The following PCNX2 variants were observed in gnomAD, a reference collection of about 807,000 sequenced individuals.
The protein encoded by PCNX2 is pecanex 2.
In PCNX2, 168 loss-of-function variants were observed where a neutral mutation model predicts 223.8. The observed-to-expected ratio is 0.75, with a 90% CI of 0.66 to 0.85. The LOEUF (loss-of-function observed/expected upper bound fraction) is 0.85. Among genes scored for constraint, PCNX2 ranks in the 40% least tolerant of loss-of-function variants. The pLI, the probability that PCNX2 is intolerant of heterozygous loss-of-function variation, is 0.00. For synonymous variants in PCNX2, 1,006 were observed against 1,052.6 expected (o/e 0.96, Z 0.86); for missense variants, 2,507 against 2,675.5 (o/e 0.94, Z 1.39).
intron 15 of PCNX2, 139 bp from the exon 16 acceptor site, chr1:233,179,314 T>C (rs1022652257): frequency 2.3e-6 from 2 of 887,458 alleles, no homozygotes; most frequent in African/African-American, 1.7e-5. Context: ...CACGGACATA[T>C]AAGCATCTGG....
At chr1:233,153,089 A>G (rs1193228436) in intron 19 of PCNX2, among the ~76,000 whole-genome samples, 1 of 152,222 alleles carries the variant, frequency 6.6e-6, no homozygotes, top group Admixed American at 6.5e-5. Flanking sequence ...CGAAGAGTCA[A>G]AAAACCTCAG....
chr1:233,103,124 AATG>A (rs1301514433), intron 21 of PCNX2, among the ~76,000 whole-genome samples: 2 of 146,966 alleles, frequency 1.4e-5, no homozygotes, highest in East Asian at 4.2e-4. Flanking sequence ...CATCATTTAT[AATG>A]TTTTTAAGTT....
Position 232,984,312 on chromosome 1 carries a change from C to T in PCNX2, c.6406G>A (p.Glu2136Lys), listed in dbSNP as rs760651035. The T allele has an allele frequency of 8.1e-6, 13 of 1,604,954 alleles. No homozygotes were observed. Among genetic ancestry groups the T allele is most frequent in the Middle Eastern group, 1.9e-4 (1 of 5,188 alleles). Residue 2136 changes from glutamate (E) to lysine (K), a missense_variant, in exon 34 of 34, where the codon GAG becomes AAG. This residue lies in a region of PCNX2 where 1,372 missense variants were observed against 1,509.4 expected (regional missense o/e 0.91). Coordinates refer to ENST00000258229, the MANE Select transcript of PCNX2 (RefSeq NM_014801.4). ...GCCCGGCCGCACGCCCGTCACTGCT[C>T]GTCTGACACACTTTGCTGCGAGGCC... ...DTASQQSVSD[E>K]Q
the PCNX2 span, among the ~76,000 whole-genome samples, chr1:233,322,666 TG>T: frequency 6.6e-6 from 1 of 152,116 alleles, no homozygotes; most frequent in East Asian, 1.9e-4. Context: ...TGATGAGATT[TG>T]TTTTGGCAGG....
intron 13 of PCNX2, among the ~76,000 whole-genome samples, chr1:233,207,913 C>T (rs1681572135): frequency 6.6e-6 from 1 of 152,080 alleles, no homozygotes; most frequent in Non-Finnish European, 1.5e-5. Context: ...ATGGCAAAAC[C>T]ATCCCCAGCA....
intron 15 of PCNX2, 50 bp from the exon 16 acceptor site, chr1:233,179,225 GC>G (rs1209079805): frequency 6.4e-7 from 1 of 1,564,098 alleles, no homozygotes. Flanking sequence ...TGTGTGAATA[GC>G]AGGATCTCTA....
intron 7 of PCNX2, 141 bp from the exon 8 acceptor site, chr1:233,250,973 T>C (rs980887487): frequency 7.8e-6 from 7 of 892,020 alleles, no homozygotes; most frequent in African/African-American, 5.2e-5. Flanking sequence ...CCATTCTTTA[T>C]ATTTCTGCAC....
chr1:233,155,322 G>A (rs1267968665), intron 19 of PCNX2, among the ~76,000 whole-genome samples: 1 of 152,146 alleles, frequency 6.6e-6, no homozygotes, highest in Non-Finnish European at 1.5e-5. Flanking sequence ...TATGTGTGTA[G>A]CAGTCACAAT....
At chr1:233,035,199 A>C (rs889448216) in intron 25 of PCNX2, among the ~76,000 whole-genome samples, 1 of 152,232 alleles carries the variant, frequency 6.6e-6, no homozygotes, top group Non-Finnish European at 1.5e-5. Context: ...GAACATTGCC[A>C]TTAAAGTCGA....
At chr1:233,233,647 T>C (rs1248857956) in intron 9 of PCNX2, among the ~76,000 whole-genome samples, 1 of 151,980 alleles carries the variant, frequency 6.6e-6, no homozygotes, top group Non-Finnish European at 1.5e-5. Context: ...CAGAATTCCA[T>C]CCTTTACTAG....
the PCNX2 span, among the ~76,000 whole-genome samples, chr1:233,321,997 C>A: frequency 6.6e-6 from 1 of 152,222 alleles, no homozygotes; most frequent in African/African-American, 2.4e-5. Context: ...AACTGCTGAG[C>A]TAAGATAATA....
chr1:233,145,806 C>G (rs988851901), intron 19 of PCNX2, among the ~76,000 whole-genome samples: 2 of 151,984 alleles, frequency 1.3e-5, no homozygotes, highest in Admixed American at 6.6e-5. Flanking sequence ...AGCCATGCAC[C>G]CCCTTGCTGA....
At chr1:233,073,782 T>A (rs1395751573) in intron 23 of PCNX2, among the ~76,000 whole-genome samples, 2 of 151,728 alleles carry the variant, frequency 1.3e-5, no homozygotes, top group African/African-American at 4.8e-5. Context: ...CCAACTAATT[T>A]AAAAAAAATT....
rs1676976901 is a variant in PCNX2 at position 233,139,389 on chromosome 1, G to A, written c.3659+325C>T. Among the ~76,000 whole-genome samples, 1 of 152,142 alleles carries A rather than the reference G, an allele frequency of 6.6e-6. No homozygotes were observed. The highest frequency in any genetic ancestry group is 6.5e-5 in the Admixed American group (1 of 15,280). On this transcript the variant is annotated intron_variant, in intron 20 of 33. Transcript: ENST00000258229. The surrounding 1 kb of genome is among the most constrained non-coding windows in gnomAD (Gnocchi z 4.4). ...CATAAAGCTCTAAGCATGATGTTAA[G>A]AACTCCAGGAATCCTGGACTCACAC...
At chr1:233,205,995 G>A (rs1340081410) in intron 13 of PCNX2, among the ~76,000 whole-genome samples, 1 of 152,172 alleles carries the variant, frequency 6.6e-6, no homozygotes, top group Non-Finnish European at 1.5e-5. Context: ...GGTGTTATGA[G>A]CCAGCATAAT....
intron 30 of PCNX2, 138 bp from the exon 31 acceptor site, chr1:232,999,517 A>G: frequency 1.0e-6 from 1 of 1,002,458 alleles, no homozygotes; most frequent in South Asian, 1.8e-5. Context: ...GCAATGGTGC[A>G]ATCTCAGCTC....
At chr1:233,250,664 T>G in intron 8 of PCNX2, 75 bp downstream of exon 8, 2 of 1,468,696 alleles carry the variant, frequency 1.4e-6, no homozygotes, top group Non-Finnish European at 1.8e-6. Flanking sequence ...TAAACCAGAA[T>G]CCTCACTTTA....
At chr1:232,993,160 T>C (rs991246667) in intron 32 of PCNX2, among the ~76,000 whole-genome samples, 4 of 152,182 alleles carry the variant, frequency 2.6e-5, no homozygotes, top group Admixed American at 2.6e-4. Flanking sequence ...GACAGGCAGA[T>C]GAGTGAAAGT....
rs1676968091 is a variant in PCNX2, at chr1:233,139,191, GT to G, written c.3659+522del. On this transcript the variant is annotated intron_variant, in intron 20 of 33. Transcript: ENST00000258229. This position sits in a 1 kb window ranked among gnomAD's most constrained non-coding sequence, Gnocchi z 4.4. ...GAAACCAATAACTCGACTGTACATTGTTAATGCTTTGAAAGACATGGGCATC... is the reference window on the plus strand; with the variant it reads ...GAAACCAATAACTCGACTGTACATTGTAATGCTTTGAAAGACATGGGCATC... 6.6e-6 allele frequency among the ~76,000 whole-genome samples: 1 copy of G among 152,124 alleles called. No individual in the cohort carries two copies. The highest frequency in any genetic ancestry group is 1.5e-5 in the Non-Finnish European group (1 of 68,038).
Sources: allele counts gnomAD v4.1 joint callset (sites outside exome capture counted in the v4.1 genomes callset), GRCh38; gene constraint gnomAD v4.1.1; regional missense constraint gnomAD v4.1.1; non-coding constraint Gnocchi (gnomAD v3.1); transcripts MANE v1.5; gene names NCBI Gene and HGNC (gene_info 2026-07-23, HGNC 2026-07-21).